The following CPXM2 variants were observed in gnomAD, a reference collection of about 807,000 sequenced individuals.
CPXM2 encodes inactive carboxypeptidase-like protein X2.
In CPXM2, 66 loss-of-function variants were observed where a neutral mutation model predicts 86.1. The ratio of observed to expected loss-of-function variants is 0.77; its 90% CI spans 0.63 to 0.94. CPXM2 has a LOEUF of 0.94. Among genes scored for constraint, CPXM2 ranks in the 40% least tolerant of loss-of-function variants. The pLI is 0.00. For missense variants in CPXM2, 948 were observed against 1,026.3 expected, an observed-to-expected ratio of 0.92 and a Z score of 1.04; for synonymous variants, 388 against 400.2, an observed-to-expected ratio of 0.97 and a Z score of 0.36.
At chr10:123,882,996 C>T (rs1945117422) in intron 1 of CPXM2, among the ~76,000 whole-genome samples, 1 of 152,030 alleles carries the variant, frequency 6.6e-6, no homozygotes, top group Non-Finnish European at 1.5e-5. Context: ...CACACGACAG[C>T]CTGGACTGCC....
At chr10:123,938,302 C>T (rs1357462368) in intron 2 of CPXM2, among the ~76,000 whole-genome samples, 1 of 152,200 alleles carries the variant, frequency 6.6e-6, no homozygotes, top group East Asian at 1.9e-4. Context: ...GTAGCAAGCA[C>T]TCAGACAATG....
chr10:123,771,189 C>A (rs1263526160), intron 7 of CPXM2, 150 bp from the exon 8 acceptor site: 2 of 698,258 alleles, frequency 2.9e-6, no homozygotes, highest in Middle Eastern at 5.0e-4. Context: ...TCGCCTCTGC[C>A]CAGAACACTC....
At chr10:123,942,434 A>G (rs1945785845), upstream of CPXM2, among the ~76,000 whole-genome samples, 1 of 152,258 alleles carries the variant, frequency 6.6e-6, no homozygotes, top group East Asian at 1.9e-4. Context: ...GAAGCCAACG[A>G]AAATCAAGAT....
At chr10:123,799,535 G>A (rs1441998367) in intron 4 of CPXM2, among the ~76,000 whole-genome samples, 1 of 152,206 alleles carries the variant, frequency 6.6e-6, no homozygotes, top group African/African-American at 2.4e-5. Flanking sequence ...AAATGTGTAC[G>A]TAACTGTTTG....
intron 2 of CPXM2, among the ~76,000 whole-genome samples, chr10:123,877,141 A>G (rs575185718): frequency 6.6e-6 from 1 of 152,362 alleles, no homozygotes; most frequent in East Asian, 1.9e-4. Context: ...GGGTAAAATT[A>G]TAGTGGGAAT....
Position 123,862,618 on chromosome 10 carries a change from A to T in CPXM2, c.509T>A (p.Ile170Asn). The T allele has an allele frequency of 6.2e-7, 1 of 1,613,888 alleles. No homozygotes were observed. Among genetic ancestry groups the T allele is most frequent in the Middle Eastern group, 1.7e-4 (1 of 6,060 alleles). Residue 170 changes from isoleucine to asparagine, a missense_variant, in exon 3 of 14, where the codon ATC becomes AAC. Ile to Asn is a moderately radical substitution (Grantham distance 149). Coordinates refer to ENST00000241305, the MANE Select transcript of CPXM2 (RefSeq NM_198148.3). Reference sequence around the variant, plus strand: ...TCCAACCACAGGGCCAGGTACCTGGATGTTGAGTCTCCCTCGATGTGCCCC... The same window carrying T: ...TCCAACCACAGGGCCAGGTACCTGGTTGTTGAGTCTCCCTCGATGTGCCCC... Reference protein sequence around the residue: ...GLGAHRGRLNIQAGINENDFY... With the variant: ...GLGAHRGRLNNQAGINENDFY...
chr10:123,843,349 C>A, intron 3 of CPXM2: 1 of 438,600 alleles, frequency 2.3e-6, no homozygotes, highest in African/African-American at 2.0e-5. Flanking sequence ...TCCCTGACTC[C>A]TCGCCTCCCA....
At chr10:123,932,813 A>C (rs1221630098) in intron 2 of CPXM2, among the ~76,000 whole-genome samples, 4 of 152,224 alleles carry the variant, frequency 2.6e-5, no homozygotes, top group Non-Finnish European at 5.9e-5. Flanking sequence ...AAATACAGCA[A>C]GGGCTCCAAC....
At chr10:123,922,686 C>T (rs530882166) in intron 2 of CPXM2, among the ~76,000 whole-genome samples, 36 of 152,214 alleles carry the variant, frequency 2.4e-4, no homozygotes, top group African/African-American at 8.4e-4. Flanking sequence ...GGAGGCTCGG[C>T]GAGGTGAGAG....
At chr10:123,849,517 T>C (rs901417125) in intron 3 of CPXM2, among the ~76,000 whole-genome samples, 20 of 148,658 alleles carry the variant, frequency 1.3e-4, no homozygotes, top group African/African-American at 4.2e-4. Flanking sequence ...CTCAGCTCAC[T>C]GCAACCTCTG....
rs149382362 is a variant in CPXM2 at position 123,821,920 on chromosome 10, T to C, written c.653+20429A>G. Among the ~76,000 whole-genome samples the C allele has an allele frequency of 1.2e-3, 190 of 152,326 alleles. 1 individual carries two copies. The highest frequency in any genetic ancestry group is 4.2e-3 in the African/African-American group (176 of 41,576). ...ACTGTTGAGGAAAGGGTAAATGTCA[T>C]TGGCAATTTATGAGTGAGGAAACTA... On this transcript the variant is annotated intron_variant, in intron 4 of 13. Coordinates refer to ENST00000241305, the MANE Select transcript of CPXM2 (RefSeq NM_198148.3).
intron 6 of CPXM2, among the ~76,000 whole-genome samples, chr10:123,783,446 C>A (rs1185655619): frequency 2.0e-5 from 3 of 152,242 alleles, no homozygotes; most frequent in African/African-American, 7.2e-5. Flanking sequence ...CTTCCTTCAG[C>A]TAGGCACTGG....
chr10:123,761,812 G>C, intron 11 of CPXM2, 60 bp downstream of exon 11: 2 of 1,526,030 alleles, frequency 1.3e-6, no homozygotes, highest in Non-Finnish European at 1.8e-6. Flanking sequence ...AGGGCCAGGA[G>C]GAGACCCCTG....
chr10:123,770,812 G>T (rs1589980070), intron 8 of CPXM2, 104 bp downstream of exon 8: 1 of 1,269,262 alleles, frequency 7.9e-7, no homozygotes, highest in South Asian at 1.5e-5. Context: ...GTGGACAGCT[G>T]ATGCCCTGTG....
intron 2 of CPXM2, among the ~76,000 whole-genome samples, chr10:123,869,431 C>A (rs889149320): frequency 9.9e-5 from 15 of 152,150 alleles, no homozygotes; most frequent in African/African-American, 2.9e-4. Context: ...TCCTGAGAAG[C>A]ATGTGGGTGA....
Position 123,761,880 on chromosome 10 carries a change from A to G in CPXM2, c.1769T>C (p.Val590Ala), listed in dbSNP as rs373117160. 1.2e-6 allele frequency: 2 copies of G among 1,613,152 alleles called. No homozygotes were observed. The highest frequency in any genetic ancestry group is 2.7e-5 in the African/African-American group (2 of 74,906). ...CCCAGAGGGAGGCTTACTTCCAGCG[A>G]CGGTGTGCCAGGAGGCCCCATTGAC... ...GTVNGASWHT[V>A]AGSLNDFSYL... Residue 590 changes from valine (V) to alanine (A), a missense_variant, in exon 11 of 14, where the codon GTC becomes GCC. Coordinates refer to ENST00000241305, the MANE Select transcript of CPXM2 (RefSeq NM_198148.3).
intron 6 of CPXM2, among the ~76,000 whole-genome samples, chr10:123,790,943 G>A (rs566578471): frequency 5.9e-5 from 9 of 152,254 alleles, no homozygotes; most frequent in Admixed American, 5.9e-4. Flanking sequence ...CTGAAGCTGC[G>A]ATGCTATCAT....
chr10:123,854,927 C>G (rs1041060965), intron 3 of CPXM2, among the ~76,000 whole-genome samples: 2 of 151,924 alleles, frequency 1.3e-5, no homozygotes, highest in African/African-American at 4.8e-5. Context: ...CCTGTGGTTC[C>G]TTAATAATCT....
At chr10:123,761,809 G>C in intron 11 of CPXM2, 63 bp downstream of exon 11, 1 of 1,513,658 alleles carries the variant, frequency 6.6e-7, no homozygotes, top group Non-Finnish European at 9.0e-7. Context: ...AGGAGGGCCA[G>C]GAGGAGACCC....
Sources: gnomAD v4.1 joint callset for allele counts (sites outside exome capture counted in the v4.1 genomes callset) on GRCh38, gnomAD v4.1.1 for gene constraint, MANE v1.5 for transcripts, NCBI Gene and HGNC (gene_info 2026-07-23, HGNC 2026-07-21) for gene names.